Variants in GALNTL6 observed in about 807,000 individuals in gnomAD.
GALNTL6 encodes the protein polypeptide N-acetylgalactosaminyltransferase like 6, also known as polypeptide N-acetylgalactosaminyltransferase-like 6.
A neutral mutation model predicts 73.7 loss-of-function variants in GALNTL6; 46 were observed. The ratio of observed to expected loss-of-function variants is 0.62; its 90% CI spans 0.49 to 0.80. The LOEUF (loss-of-function observed/expected upper bound fraction) is 0.80. Ranked by LOEUF, GALNTL6 falls within the 30% of genes least tolerant of loss-of-function variation. GALNTL6 has a pLI of 0.00. For missense variants in GALNTL6, 604 were observed against 755.0 expected (o/e 0.80, Z 2.34); for synonymous variants, 259 against 263.7 (o/e 0.98, Z 0.17).
At chr4:172,311,172 A>G (rs957863263) in intron 3 of GALNTL6, among the ~76,000 whole-genome samples, 3 of 152,182 alleles carry the variant, frequency 2.0e-5, no homozygotes, top group African/African-American at 7.2e-5. Context: ...TAACTGTGAA[A>G]AGCAAAGATG....
At chr4:172,665,964 A>C (rs954808990) in intron 5 of GALNTL6, among the ~76,000 whole-genome samples, 6 of 152,076 alleles carry the variant, frequency 3.9e-5, no homozygotes, top group African/African-American at 1.4e-4. Flanking sequence ...TCCCCTTCTT[A>C]CATATTCTGC....
At chr4:172,682,237 T>TA (rs962928728) in intron 5 of GALNTL6, among the ~76,000 whole-genome samples, 13 of 151,844 alleles carry the variant, frequency 8.6e-5, no homozygotes, top group African/African-American at 2.4e-4. Flanking sequence ...TTAAGATAAT[T>TA]AAAAAAAAGA....
intron 5 of GALNTL6, among the ~76,000 whole-genome samples, chr4:172,728,379 C>G (rs1735950941): frequency 6.6e-6 from 1 of 151,902 alleles, no homozygotes; most frequent in Non-Finnish European, 1.5e-5. Flanking sequence ...CAATGTTTGC[C>G]TTTTTGTGTT....
At chr4:171,831,177 A>G (rs767220534) in intron 2 of GALNTL6, among the ~76,000 whole-genome samples, 1 of 152,038 alleles carries the variant, frequency 6.6e-6, no homozygotes, top group Non-Finnish European at 1.5e-5. Context: ...ACTCTTTTTA[A>G]GGAAATCTAC....
At chr4:172,695,439 A>G (rs999816310) in intron 5 of GALNTL6, among the ~76,000 whole-genome samples, 9 of 152,228 alleles carry the variant, frequency 5.9e-5, no homozygotes, top group Non-Finnish European at 1.0e-4. Context: ...TTGAGATAAA[A>G]TGGAAAGGAT....
chr4:172,221,433 A>G (rs144791017), intron 2 of GALNTL6, among the ~76,000 whole-genome samples: 129 of 151,866 alleles, frequency 8.5e-4, no homozygotes, highest in African/African-American at 2.9e-3. Context: ...TGTTTGAATA[A>G]CCATCAACAA....
chr4:172,553,478 T>C (rs1736036156), intron 5 of GALNTL6, among the ~76,000 whole-genome samples: 1 of 152,198 alleles, frequency 6.6e-6, no homozygotes, highest in African/African-American at 2.4e-5. Flanking sequence ...TCTTCACTTA[T>C]TAGATTAACA....
At chr4:172,451,768 G>A (rs1732221173) in intron 5 of GALNTL6, among the ~76,000 whole-genome samples, 1 of 152,160 alleles carries the variant, frequency 6.6e-6, no homozygotes, top group Non-Finnish European at 1.5e-5. Flanking sequence ...CACTTTGGGA[G>A]GCCAAGGCTG....
At chr4:172,164,542 A>C (rs1021970206) in intron 2 of GALNTL6, among the ~76,000 whole-genome samples, 3 of 151,998 alleles carry the variant, frequency 2.0e-5, no homozygotes, top group African/African-American at 7.2e-5. Flanking sequence ...CTACTTTTCA[A>C]GTTTACTATC....
chr4:172,545,181 T>A (rs1426906567), intron 5 of GALNTL6, among the ~76,000 whole-genome samples: 2 of 152,152 alleles, frequency 1.3e-5, no homozygotes, highest in African/African-American at 4.8e-5. Flanking sequence ...AACACAGACA[T>A]TACTAAATGT....
intron 2 of GALNTL6, among the ~76,000 whole-genome samples, chr4:172,189,209 C>T (rs561070811): frequency 6.6e-6 from 1 of 152,250 alleles, no homozygotes; most frequent in East Asian, 1.9e-4. Context: ...GGAGGCAGCA[C>T]TCCACAGATA....
intron 2 of GALNTL6, among the ~76,000 whole-genome samples, chr4:172,025,309 C>T (rs905882443): frequency 1.1e-4 from 17 of 151,982 alleles, no homozygotes; most frequent in African/African-American, 2.7e-4. Flanking sequence ...ACAACAAGTA[C>T]GGCACCTCGC....
rs565199064 is a variant in GALNTL6, at chr4:171,875,432, C to T, written c.138+60714C>T. Among the ~76,000 whole-genome samples, 3 of 152,196 alleles carry T rather than the reference C, an allele frequency of 2.0e-5. No homozygotes were observed. In the South Asian group the frequency reaches 6.2e-4, roughly 32 times the overall value. ...TCCTAATTCTGTCTTAAGTCTTTGC[C>T]TTGTCCCTGCCTAGTTCCCTCCCAG... On this transcript the variant is annotated intron_variant, in intron 2 of 12. Coordinates refer to ENST00000506823, the MANE Select transcript of GALNTL6 (RefSeq NM_001034845.3).
At chr4:172,066,203 A>T (rs1579104080) in intron 2 of GALNTL6, among the ~76,000 whole-genome samples, 1 of 152,168 alleles carries the variant, frequency 6.6e-6, no homozygotes, top group East Asian at 1.9e-4. Context: ...ATAGTATCAT[A>T]CAGAGTAGTT....
intron 3 of GALNTL6, among the ~76,000 whole-genome samples, chr4:172,232,885 T>C (rs1737116562): frequency 6.6e-6 from 1 of 152,198 alleles, no homozygotes; most frequent in Non-Finnish European, 1.5e-5. Context: ...ACAGTGTTCT[T>C]AATTTATTTT....
chr4:172,932,499 T>C (rs914087568), intron 9 of GALNTL6, among the ~76,000 whole-genome samples: 1 of 152,146 alleles, frequency 6.6e-6, no homozygotes, highest in Non-Finnish European at 1.5e-5. Context: ...ATCCATATTC[T>C]CTAACAGCAA....
intron 2 of GALNTL6, among the ~76,000 whole-genome samples, chr4:171,860,533 C>A (rs566676423): frequency 1.3e-5 from 2 of 152,264 alleles, no homozygotes; most frequent in East Asian, 3.9e-4. Context: ...TAGAAAATAA[C>A]CACCAGAAAA....
In GALNTL6 at chr4:172,297,322, G is replaced by C. The variant is rs1236540104; in HGVS notation, c.248-14292G>C. ...CTGTAGGTTGCCTGTTCACTCTGAT[G>C]GTAGATTCTTTTGCTGTGCAGAAGC... On this transcript the variant is annotated intron_variant, in intron 3 of 12. Coordinates refer to ENST00000506823, the MANE Select transcript of GALNTL6 (RefSeq NM_001034845.3). Among the ~76,000 whole-genome samples the C allele has an allele frequency of 2.0e-5, 3 of 151,942 alleles. No individual in the cohort carries two copies. In the East Asian group the frequency reaches 5.8e-4, roughly 29 times the overall value.
intron 10 of GALNTL6, among the ~76,000 whole-genome samples, chr4:173,003,558 A>G (rs576885139): frequency 1.3e-5 from 2 of 152,314 alleles, no homozygotes; most frequent in South Asian, 4.1e-4. Context: ...TTTACTGACC[A>G]CTTGCAACGT....
Sources: allele counts gnomAD v4.1 joint callset (sites outside exome capture counted in the v4.1 genomes callset), GRCh38; gene constraint gnomAD v4.1.1; transcripts MANE v1.5; gene names NCBI Gene and HGNC (gene_info 2026-07-23, HGNC 2026-07-21).